ADAMTS19: variants seen among roughly 807,000 people sequenced by gnomAD.
ADAMTS19 encodes ADAM metallopeptidase with thrombospondin type 1 motif 19.
In ADAMTS19, 93 loss-of-function variants were observed where a neutral mutation model predicts 153.3. The ratio of observed to expected loss-of-function variants is 0.61; its 90% confidence interval spans 0.51 to 0.72. The LOEUF (loss-of-function observed/expected upper bound fraction) is 0.72. Ranked by LOEUF, ADAMTS19 falls within the 30% of genes least tolerant of loss-of-function variation. ADAMTS19 has a pLI of 0.00. For missense variants in ADAMTS19, 1,482 were observed against 1,552.1 expected (o/e 0.95, Z 0.76); for synonymous variants, 600 against 556.6 (o/e 1.08, Z -1.10).
chr5:129,675,532 C>G (rs912289976), intron 16 of ADAMTS19, among the ~76,000 whole-genome samples: 8 of 152,090 alleles, frequency 5.3e-5, no homozygotes, highest in Non-Finnish European at 1.0e-4. Flanking sequence ...GTTTGTAAAT[C>G]AGTTCAGTGA....
At chr5:129,705,102 G>A (rs1411941264) in intron 21 of ADAMTS19, among the ~76,000 whole-genome samples, 2 of 151,670 alleles carry the variant, frequency 1.3e-5, no homozygotes, top group Non-Finnish European at 2.9e-5. Flanking sequence ...TTTCAGAAAT[G>A]TAAATATGAA....
chr5:129,730,875 G>C (rs1207150048), intron 21 of ADAMTS19, among the ~76,000 whole-genome samples: 1 of 152,078 alleles, frequency 6.6e-6, no homozygotes, highest in Admixed American at 6.6e-5. Context: ...TAGGTAGTTA[G>C]GATAATGTGG....
At chr5:129,580,441 A>T in intron 7 of ADAMTS19, among the ~76,000 whole-genome samples, 1 of 152,088 alleles carries the variant, frequency 6.6e-6, no homozygotes, top group Non-Finnish European at 1.5e-5. Flanking sequence ...CTCTTGCCTG[A>T]CTGCCCTGGC....
intron 2 of ADAMTS19, among the ~76,000 whole-genome samples, chr5:129,485,910 C>T (rs1750574977): frequency 6.6e-6 from 1 of 152,002 alleles, no homozygotes. Flanking sequence ...CCTGCCTCTG[C>T]CTCCTGAGTA....
intron 13 of ADAMTS19, among the ~76,000 whole-genome samples, chr5:129,654,057 A>T (rs1753433177): frequency 6.6e-6 from 1 of 152,196 alleles, no homozygotes; most frequent in Non-Finnish European, 1.5e-5. Flanking sequence ...CTGCCATAAA[A>T]TAACAAATGA....
At chr5:129,563,208 T>C (rs1170997054) in intron 7 of ADAMTS19, among the ~76,000 whole-genome samples, 1 of 151,802 alleles carries the variant, frequency 6.6e-6, no homozygotes, top group East Asian at 1.9e-4. Context: ...AACAGCAATT[T>C]GGCATTTTTT....
intron 10 of ADAMTS19, among the ~76,000 whole-genome samples, chr5:129,629,486 G>C (rs886411417): frequency 6.6e-6 from 1 of 152,000 alleles, no homozygotes; most frequent in Non-Finnish European, 1.5e-5. Context: ...TTGGGCCATA[G>C]CATCTAAATT....
chr5:129,508,333 TC>T (rs1339011432), intron 2 of ADAMTS19, among the ~76,000 whole-genome samples: 3 of 151,986 alleles, frequency 2.0e-5, no homozygotes, highest in African/African-American at 7.2e-5. Context: ...TGGAATACTT[TC>T]CTAGTTATAA....
intron 11 of ADAMTS19, among the ~76,000 whole-genome samples, chr5:129,646,875 A>T (rs1427926875): frequency 6.6e-6 from 1 of 152,042 alleles, no homozygotes. Context: ...TGATTTTGTT[A>T]CTCTTACCAT....
chr5:129,483,181 A>ATAATC (rs1488713356), intron 2 of ADAMTS19, among the ~76,000 whole-genome samples: 1 of 152,170 alleles, frequency 6.6e-6, no homozygotes, highest in Admixed American at 6.6e-5. Flanking sequence ...TCATATGAGA[A>ATAATC]CACAATAATT....
At chr5:129,681,018 A>G (rs180769997) in intron 17 of ADAMTS19, among the ~76,000 whole-genome samples, 28 of 152,212 alleles carry the variant, frequency 1.8e-4, no homozygotes, top group African/African-American at 5.8e-4. Context: ...ATATAAAACA[A>G]CTCTAAAACA....
At chr5:129,567,347 A>G (rs1374056434) in intron 7 of ADAMTS19, among the ~76,000 whole-genome samples, 1 of 152,132 alleles carries the variant, frequency 6.6e-6, no homozygotes, top group Non-Finnish European at 1.5e-5. Context: ...GAAAATCTCA[A>G]TTTGCATGGG....
chr5:129,623,162 G>T lies in ADAMTS19; in HGVS notation c.1770+814G>T, dbSNP rs112704202. On this transcript the variant is annotated intron_variant, in intron 10 of 22. Coordinates refer to ENST00000274487, the MANE Select transcript of ADAMTS19 (RefSeq NM_133638.6). ...CATTTCTACATAAACTGGAAGAAAAGGGAAAATGTATAATGGTAAAGCAGT... is the reference window on the plus strand; with the variant it reads ...CATTTCTACATAAACTGGAAGAAAATGGAAAATGTATAATGGTAAAGCAGT... 2.0e-3 allele frequency among the ~76,000 whole-genome samples: 303 copies of T among 152,206 alleles called. 2 individuals are homozygous for T. The highest frequency in any genetic ancestry group is 7.0e-3 in the African/African-American group (289 of 41,532).
intron 3 of ADAMTS19, among the ~76,000 whole-genome samples, chr5:129,514,016 C>G (rs899341260): frequency 1.3e-5 from 2 of 151,952 alleles, no homozygotes; most frequent in Non-Finnish European, 2.9e-5. Context: ...TTTTTAGATC[C>G]GACAAATAAG....
intron 2 of ADAMTS19, among the ~76,000 whole-genome samples, chr5:129,467,847 G>A (rs945729648): frequency 6.6e-6 from 1 of 152,182 alleles, no homozygotes; most frequent in Non-Finnish European, 1.5e-5. Flanking sequence ...TTCCATCCTA[G>A]AGGTAACCAG....
At chr5:129,531,965 CT>C (rs1226899191) in intron 6 of ADAMTS19, among the ~76,000 whole-genome samples, 1 of 151,824 alleles carries the variant, frequency 6.6e-6, no homozygotes, top group Non-Finnish European at 1.5e-5. Flanking sequence ...ATCTGGACAC[CT>C]TTGCGAAAAA....
chr5:129,483,179 G>T (rs1250572009), intron 2 of ADAMTS19, among the ~76,000 whole-genome samples: 2 of 152,036 alleles, frequency 1.3e-5, no homozygotes, highest in Admixed American at 1.3e-4. Context: ...CATCATATGA[G>T]AACACAATAA....
chr5:129,692,801 C>G (rs150656294), intron 18 of ADAMTS19, among the ~76,000 whole-genome samples: 7 of 152,302 alleles, frequency 4.6e-5, no homozygotes, highest in East Asian at 3.9e-4. Flanking sequence ...GATGCCATCT[C>G]AAGGCCCTCC....
chr5:129,503,136 A>G (rs999346040), intron 2 of ADAMTS19, among the ~76,000 whole-genome samples: 1 of 152,216 alleles, frequency 6.6e-6, no homozygotes, highest in Non-Finnish European at 1.5e-5. Context: ...ATTGTTATAT[A>G]TGAAGTTTGA....
Sources: gnomAD v4.1 joint callset for allele counts (sites outside exome capture counted in the v4.1 genomes callset) on GRCh38, gnomAD v4.1.1 for gene constraint, MANE v1.5 for transcripts, NCBI Gene and HGNC (gene_info 2026-07-23, HGNC 2026-07-21) for gene names.